Variants in ALK observed in about 807,000 individuals in gnomAD.
ALK encodes the protein ALK tyrosine kinase receptor.
Under a neutral mutation model 163.1 loss-of-function variants are expected in ALK, and 74 were observed. The observed-to-expected ratio is 0.45, with a 90% confidence interval of 0.38 to 0.55. The LOEUF (loss-of-function observed/expected upper bound fraction) is 0.55. Ranked by LOEUF, ALK falls within the 20% of genes least tolerant of loss-of-function variation. The pLI, the probability that ALK is intolerant of heterozygous loss-of-function variation, is 0.00. For missense variants in ALK, 2,063 were observed against 2,105.3 expected (o/e 0.98, Z 0.39); for synonymous variants, 960 against 843.2 (o/e 1.14, Z -2.40).
chr2:29,487,829 A>G lies in ALK; in HGVS notation c.1154+44086T>C, dbSNP rs538113165. On this transcript the variant is annotated intron_variant, in intron 4 of 28. Transcript: ENST00000389048. ...GAACCAAGGCCATAGATGGCACCAG[A>G]TCGAGAACTCACAGCTTATGCATCT... is the stretch of plus-strand genomic sequence containing the variant. 1.8e-3 allele frequency among the ~76,000 whole-genome samples: 278 copies of G among 152,220 alleles called. 1 individual carries two copies. Among genetic ancestry groups the G allele is most frequent in the African/African-American group, 6.2e-3 (258 of 41,522 alleles).
intron 1 of ALK, among the ~76,000 whole-genome samples, chr2:29,815,103 C>T (rs1001408267): frequency 6.7e-6 from 1 of 150,042 alleles, no homozygotes; most frequent in African/African-American, 2.5e-5. Flanking sequence ...CAAGGTATGT[C>T]TGGAACCTCA....
rs183213344 is a variant in ALK at position 29,231,526 on chromosome 2, C to T, written c.2632+778G>A. Among the ~76,000 whole-genome samples the T allele has an allele frequency of 3.9e-5, 6 of 152,236 alleles. No individual in the cohort carries two copies. The South Asian group carries it at 6.2e-4, about 16-fold the overall frequency. On this transcript the variant is annotated intron_variant, in intron 15 of 28. Coordinates refer to ENST00000389048, the MANE Select transcript of ALK (RefSeq NM_004304.5). ...GAGGCAGAGGTGCTTCAGGGTTTCT[C>T]GGGTGCTGGGCCTCGGTGCTGCAAA... is the stretch of plus-strand genomic sequence containing the variant.
chr2:29,878,638 CAGTCTTCCTTGGAGGATAAACA>C (rs1666782112), intron 1 of ALK, among the ~76,000 whole-genome samples: 1 of 152,154 alleles, frequency 6.6e-6, no homozygotes, highest in African/African-American at 2.4e-5. Flanking sequence ...TAGAAATTTC[CAGTCTTCCTTGGAGGATAAACA>C]AGTTGCCAAT....
intron 4 of ALK, among the ~76,000 whole-genome samples, chr2:29,499,221 C>T (rs1439191687): frequency 2.0e-5 from 3 of 151,866 alleles, no homozygotes; most frequent in Non-Finnish European, 4.4e-5. Context: ...TTTTTTGAGA[C>T]AGGGTCTTGC....
Position 29,843,864 on chromosome 2 carries a change from T to G in ALK, c.667+76129A>C, listed in dbSNP as rs983707105. Among the ~76,000 whole-genome samples, 4 of 152,216 alleles carry G rather than the reference T, an allele frequency of 2.6e-5. No individual in the cohort carries two copies. The East Asian group carries it at 5.8e-4, about 22-fold the overall frequency. ...AAGTTACTACTGAGCACTTACTGTA[T>G]GCTGAGCACATTATTAGGCACCAAA... On this transcript the variant is annotated intron_variant, in intron 1 of 28. Transcript: ENST00000389048.
At chr2:29,535,858 C>T (rs1296194954) in intron 3 of ALK, among the ~76,000 whole-genome samples, 1 of 152,174 alleles carries the variant, frequency 6.6e-6, no homozygotes, top group Non-Finnish European at 1.5e-5. Context: ...CTAAACTCTT[C>T]TTCTCATAAT....
rs116405535 is a variant in ALK, at chr2:29,211,739, G to A, written c.3744-1861C>T. Reference sequence around the variant, plus strand: ...TAGCTAGTTAGAACATGTAAAAGACGTTTTTTCCATACAGATGACCAAATT... The same window carrying A: ...TAGCTAGTTAGAACATGTAAAAGACATTTTTTCCATACAGATGACCAAATT... On this transcript the variant is annotated intron_variant, in intron 24 of 28. Transcript: ENST00000389048. 2.0e-3 allele frequency among the ~76,000 whole-genome samples: 307 copies of A among 152,092 alleles called. 2 individuals carry two copies. The highest frequency in any genetic ancestry group is 6.4e-3 in the African/African-American group (264 of 41,490).
intron 3 of ALK, among the ~76,000 whole-genome samples, chr2:29,638,056 T>G (rs983324740): frequency 5.9e-5 from 9 of 152,154 alleles, no homozygotes; most frequent in African/African-American, 2.2e-4. Context: ...TTTAGAGGGC[T>G]GTGGAATATG....
At chr2:29,442,320 A>G (rs78621539) in intron 4 of ALK, among the ~76,000 whole-genome samples, 1 of 145,190 alleles carries the variant, frequency 6.9e-6, no homozygotes, top group Non-Finnish European at 1.5e-5. Context: ...AAAAAAAAAA[A>G]TGTTGAGACT....
At chr2:29,741,962 A>G (rs1049051498) in intron 1 of ALK, among the ~76,000 whole-genome samples, 2 of 152,242 alleles carry the variant, frequency 1.3e-5, no homozygotes, top group African/African-American at 4.8e-5. Context: ...CCATGAAAAA[A>G]TCTGGACATT....
chr2:29,353,588 A>T (rs1573271714), intron 5 of ALK, among the ~76,000 whole-genome samples: 1 of 152,164 alleles, frequency 6.6e-6, no homozygotes, highest in East Asian at 1.9e-4. Flanking sequence ...TTGGAGCTAA[A>T]GCCTGCTCCT....
At chr2:29,553,522 C>T (rs1673767924) in intron 3 of ALK, among the ~76,000 whole-genome samples, 1 of 152,200 alleles carries the variant, frequency 6.6e-6, no homozygotes, top group Admixed American at 6.5e-5. Flanking sequence ...ACATTTACCT[C>T]CTAATAATGG....
intron 4 of ALK, among the ~76,000 whole-genome samples, chr2:29,424,987 G>C (rs1216828181): frequency 1.3e-5 from 2 of 152,156 alleles, no homozygotes; most frequent in Non-Finnish European, 2.9e-5. Context: ...GGCATTCACT[G>C]TCTGGTATCA....
In ALK at chr2:29,420,192, A is replaced by C. The variant is rs561462172; in HGVS notation, c.1155-36333T>G. ...AAAAAAAAAAAAGGTAGGGACCACA[A>C]CTGCAAGCTCCAATGCATCATACAA... On this transcript the variant is annotated intron_variant, in intron 4 of 28. Transcript: ENST00000389048. Among the ~76,000 whole-genome samples the C allele has an allele frequency of 6.7e-5, 10 of 150,170 alleles. No individual in the cohort carries two copies. In the East Asian group the frequency reaches 1.9e-3, roughly 29 times the overall value.
At chr2:29,310,918 G>A (rs1044247210) in intron 8 of ALK, among the ~76,000 whole-genome samples, 10 of 152,214 alleles carry the variant, frequency 6.6e-5, no homozygotes, top group Non-Finnish European at 1.2e-4. Context: ...TGTCTGGACG[G>A]TTGTCATTAG....
intron 1 of ALK, among the ~76,000 whole-genome samples, chr2:29,847,470 C>T (rs969485852): frequency 7.9e-5 from 12 of 152,104 alleles, no homozygotes; most frequent in Non-Finnish European, 1.8e-4. Context: ...ATAATTACCC[C>T]GTGATGACAG....
intron 4 of ALK, among the ~76,000 whole-genome samples, chr2:29,471,470 G>A (rs1671345042): frequency 6.6e-6 from 1 of 152,114 alleles, no homozygotes; most frequent in African/African-American, 2.4e-5. Context: ...AGTATATAAG[G>A]TTGGTTTAAT....
chr2:29,218,767 A>AGT (rs1669706803), intron 23 of ALK, among the ~76,000 whole-genome samples: 1 of 152,226 alleles, frequency 6.6e-6, no homozygotes, highest in South Asian at 2.1e-4. Context: ...CTCTTCCCAA[A>AGT]GTGTGATGCC....
At chr2:29,430,445 C>G (rs984867967) in intron 4 of ALK, among the ~76,000 whole-genome samples, 1 of 152,204 alleles carries the variant, frequency 6.6e-6, no homozygotes, top group African/African-American at 2.4e-5. Context: ...ATGTTTTAGG[C>G]TTGAGGGCCA....
Sources: gnomAD v4.1 joint callset for allele counts (sites outside exome capture counted in the v4.1 genomes callset) on GRCh38, gnomAD v4.1.1 for gene constraint, MANE v1.5 for transcripts, NCBI Gene and HGNC (gene_info 2026-07-23, HGNC 2026-07-21) for gene names.